SGCZ: variants seen among roughly 807,000 people sequenced by gnomAD.
The protein encoded by SGCZ is sarcoglycan zeta.
In SGCZ, 40 loss-of-function variants were observed where a neutral mutation model predicts 41.3. The observed-to-expected ratio is 0.97, with a 90% CI of 0.75 to 1.26. The LOEUF is 1.26. Ranked by LOEUF, SGCZ falls within the 50% of genes most tolerant of loss-of-function variation. The pLI, the probability that SGCZ is intolerant of heterozygous loss-of-function variation, is 0.00. For missense variants in SGCZ, 552 were observed against 369.8 expected (o/e 1.49, Z -4.04); for synonymous variants, 206 against 137.5 (o/e 1.50, Z -3.49).
chr8:14,571,784 T>C (rs755572546), intron 1 of SGCZ, among the ~76,000 whole-genome samples: 12 of 152,184 alleles, frequency 7.9e-5, no homozygotes, highest in Non-Finnish European at 1.6e-4. Context: ...AGCACGAATA[T>C]TGAAGGAGTT....
intron 1 of SGCZ, among the ~76,000 whole-genome samples, chr8:14,708,422 C>T (rs2117617008): frequency 6.6e-6 from 1 of 151,674 alleles, no homozygotes; most frequent in South Asian, 2.1e-4. Context: ...GGCAGTCACT[C>T]CCATATGTTC....
chr8:14,873,687 A>G (rs1804247245), intron 1 of SGCZ, among the ~76,000 whole-genome samples: 1 of 152,152 alleles, frequency 6.6e-6, no homozygotes, highest in African/African-American at 2.4e-5. Context: ...AGAATAGGTC[A>G]ACTCTCATTG....
intron 4 of SGCZ, among the ~76,000 whole-genome samples, chr8:14,190,230 T>C (rs1286962715): frequency 2.0e-5 from 3 of 151,954 alleles, no homozygotes; most frequent in Non-Finnish European, 4.4e-5. Flanking sequence ...GCCAGGATGG[T>C]CTCGAACTCC....
At chr8:14,737,076 T>A (rs1014842972) in intron 1 of SGCZ, among the ~76,000 whole-genome samples, 1 of 146,134 alleles carries the variant, frequency 6.8e-6, no homozygotes, top group Non-Finnish European at 1.5e-5. Flanking sequence ...AGTATATATC[T>A]GGTATATAAG....
At chr8:14,163,364 A>G (rs1360460654) in intron 5 of SGCZ, among the ~76,000 whole-genome samples, 5 of 151,944 alleles carry the variant, frequency 3.3e-5, no homozygotes, top group African/African-American at 1.2e-4. Context: ...GTTCCCCTCT[A>G]TGTGTCCATG....
chr8:14,881,994 T>A (rs1804606760), intron 1 of SGCZ, among the ~76,000 whole-genome samples: 1 of 152,146 alleles, frequency 6.6e-6, no homozygotes, highest in African/African-American at 2.4e-5. Flanking sequence ...AATAATGAAA[T>A]TGACAGACAT....
intron 1 of SGCZ, among the ~76,000 whole-genome samples, chr8:14,684,761 C>CA (rs906817867): frequency 3.3e-5 from 5 of 151,352 alleles, no homozygotes; most frequent in Non-Finnish European, 7.4e-5. Flanking sequence ...AAAATTGCTG[C>CA]AAAGAAGTCT....
At chr8:14,105,439 C>G (rs953288519) in intron 6 of SGCZ, among the ~76,000 whole-genome samples, 1 of 151,780 alleles carries the variant, frequency 6.6e-6, no homozygotes, top group African/African-American at 2.4e-5. Context: ...ATTGACTTGG[C>G]CAACCAATGA....
At chr8:15,132,868 C>A (rs112830055) in intron 1 of SGCZ, among the ~76,000 whole-genome samples, 248 of 152,258 alleles carry the variant, frequency 1.6e-3, no homozygotes, top group African/African-American at 5.6e-3. Context: ...TGGCCAGGCA[C>A]AGGAACCCAT....
chr8:14,599,106 T>G (rs1047522456), intron 1 of SGCZ, among the ~76,000 whole-genome samples: 1 of 152,152 alleles, frequency 6.6e-6, no homozygotes, highest in Non-Finnish European at 1.5e-5. Flanking sequence ...GCAAAACTGT[T>G]TCATCAACAA....
intron 1 of SGCZ, among the ~76,000 whole-genome samples, chr8:14,583,355 T>C (rs1804956630): frequency 6.6e-6 from 1 of 152,178 alleles, no homozygotes; most frequent in African/African-American, 2.4e-5. Context: ...TTGATGGGGT[T>C]ATATTTTTCT....
intron 2 of SGCZ, among the ~76,000 whole-genome samples, chr8:14,416,895 G>A (rs1799507506): frequency 6.6e-6 from 1 of 151,732 alleles, no homozygotes; most frequent in African/African-American, 2.4e-5. Flanking sequence ...TCCTATGCAT[G>A]GATTATTATT....
At chr8:15,065,810 A>G (rs1805117784) in intron 1 of SGCZ, among the ~76,000 whole-genome samples, 1 of 152,160 alleles carries the variant, frequency 6.6e-6, no homozygotes, top group Non-Finnish European at 1.5e-5. Context: ...ATCTATTTTT[A>G]TAAACCCATG....
rs576901555 is a variant in SGCZ at position 14,410,135 on chromosome 8, A to C, written c.235-85931T>G. Among the ~76,000 whole-genome samples, 3 of 152,264 alleles carry C rather than the reference A, an allele frequency of 2.0e-5. No homozygotes were observed. In the South Asian group the frequency reaches 6.2e-4, roughly 32 times the overall value. On this transcript the variant is annotated intron_variant, in intron 2 of 7. Transcript: ENST00000382080. The stretch of plus-strand genomic sequence containing the variant: ...AAACTCATTGTGAACTGCGCATGCT[A>C]GGGATCTAGATTGTGTGCTCCTTAT...
At chr8:15,218,764 T>C (rs1801498239) in intron 1 of SGCZ, among the ~76,000 whole-genome samples, 2 of 152,204 alleles carry the variant, frequency 1.3e-5, no homozygotes, top group African/African-American at 4.8e-5. Flanking sequence ...TAGTTCTGTG[T>C]GAAACATTGA....
In SGCZ at chr8:15,019,464, C is replaced by T. The variant is rs146036305; in HGVS notation, c.39+218121G>A. ...ATTTCCAAATTGTGCAGCTCTCTTT[C>T]CTCTTTCAGCCCCAGCACTCCTTTC... On this transcript the variant is annotated intron_variant, in intron 1 of 7. Transcript: ENST00000382080. Among the ~76,000 whole-genome samples, 405 of 152,218 alleles carry T rather than the reference C, an allele frequency of 2.7e-3. 3 individuals carry two copies. The highest frequency in any genetic ancestry group is 8.7e-3 in the African/African-American group (363 of 41,524).
At chr8:15,030,157 A>G (rs984531738) in intron 1 of SGCZ, among the ~76,000 whole-genome samples, 1 of 152,096 alleles carries the variant, frequency 6.6e-6, no homozygotes, top group East Asian at 1.9e-4. Context: ...GCAGCACAGG[A>G]ATTGGAAGGA....
chr8:14,539,698 A>T (rs1803400816), intron 2 of SGCZ, among the ~76,000 whole-genome samples: 1 of 151,708 alleles, frequency 6.6e-6, no homozygotes, highest in East Asian at 1.9e-4. Context: ...TCCTCCTTCC[A>T]TCCTCCACGC....
chr8:14,291,026 G>GTTGT (rs1800822287), intron 3 of SGCZ, among the ~76,000 whole-genome samples: 1 of 152,046 alleles, frequency 6.6e-6, no homozygotes, highest in Non-Finnish European at 1.5e-5. Flanking sequence ...ATGAAATCCT[G>GTTGT]TTGTTTGCAG....
Sources: gnomAD v4.1 joint callset for allele counts (sites outside exome capture counted in the v4.1 genomes callset) on GRCh38, gnomAD v4.1.1 for gene constraint, MANE v1.5 for transcripts, NCBI Gene and HGNC (gene_info 2026-07-23, HGNC 2026-07-21) for gene names.